Variants in JMJD1C observed in about 807,000 individuals in gnomAD.
JMJD1C encodes jumonji domain containing 1C.
A neutral mutation model predicts 245.3 loss-of-function variants in JMJD1C; 31 were observed. The ratio of observed to expected loss-of-function variants is 0.13; its 90% CI spans 0.09 to 0.17. The LOEUF is 0.17. JMJD1C is among the 10% of genes least tolerant of loss of function. JMJD1C has a pLI of 1.00. For synonymous variants in JMJD1C, 1,057 were observed against 1,017.4 expected (o/e 1.04, Z -0.74); for missense variants, 2,691 against 3,000.2 (o/e 0.90, Z 2.41).
intron 2 of JMJD1C, among the ~76,000 whole-genome samples, chr10:63,280,601 T>C (rs894334875): frequency 3.0e-4 from 45 of 152,228 alleles, no homozygotes; most frequent in African/African-American, 1.0e-3. Context: ...CTATAAGGAA[T>C]ATATTTCTGC....
chr10:63,301,686 T>C, intron 2 of JMJD1C: 1 of 433,848 alleles, frequency 2.3e-6, no homozygotes, highest in Non-Finnish European at 4.6e-6. Flanking sequence ...GAGAGAGCAT[T>C]AGGACAAATA....
chr10:63,498,949 ATTC>A (rs1428058678), intron 1 of JMJD1C, among the ~76,000 whole-genome samples: 7 of 152,274 alleles, frequency 4.6e-5, no homozygotes, highest in Middle Eastern at 6.8e-3. Context: ...ATTATTGTAG[ATTC>A]TTCTTATCAC....
At chr10:63,432,990 T>C (rs1170042286) in intron 1 of JMJD1C, among the ~76,000 whole-genome samples, 1 of 152,210 alleles carries the variant, frequency 6.6e-6, no homozygotes, top group Non-Finnish European at 1.5e-5. Context: ...CCTGAGTTCT[T>C]CTCTTCACTG....
At chr10:63,281,463 T>C (rs1320218393) in intron 2 of JMJD1C, among the ~76,000 whole-genome samples, 2 of 97,600 alleles carry the variant, frequency 2.0e-5, no homozygotes, top group Non-Finnish European at 4.2e-5. Flanking sequence ...CTGGCCTTTT[T>C]TTTTTTTTTT....
At chr10:63,232,736 T>A (rs1052031035) in intron 3 of JMJD1C, among the ~76,000 whole-genome samples, 15 of 152,126 alleles carry the variant, frequency 9.9e-5, no homozygotes, top group African/African-American at 3.4e-4. Context: ...GGTAAAAGGG[T>A]TCTGAATTTT....
chr10:63,505,937 C>A (rs1954705587), intron 1 of JMJD1C, among the ~76,000 whole-genome samples: 3 of 120,898 alleles, frequency 2.5e-5, no homozygotes, highest in African/African-American at 8.1e-5. Context: ...TACAATTTCT[C>A]CCCCTGCCAA....
intron 1 of JMJD1C, chr10:63,521,464 G>A: frequency 1.1e-6 from 1 of 944,090 alleles, no homozygotes; most frequent in Non-Finnish European, 1.4e-6. Context: ...AGCCGGCGAA[G>A]CGCGCGGCCT....
At chr10:63,380,191 G>T in intron 2 of JMJD1C, 127 bp downstream of exon 2, 1 of 913,308 alleles carries the variant, frequency 1.1e-6, no homozygotes, top group Non-Finnish European at 1.8e-6. Flanking sequence ...CAATTGTCCT[G>T]CTTCAGCCTC....
At chr10:63,461,141 C>T (rs1952768139) in intron 1 of JMJD1C, among the ~76,000 whole-genome samples, 1 of 152,090 alleles carries the variant, frequency 6.6e-6, no homozygotes, top group African/African-American at 2.4e-5. Flanking sequence ...GGGGCAATTT[C>T]GTCATTTTCC....
chr10:63,311,941 T>C (rs1939262913), intron 2 of JMJD1C, among the ~76,000 whole-genome samples: 1 of 152,194 alleles, frequency 6.6e-6, no homozygotes, highest in African/African-American at 2.4e-5. Flanking sequence ...TTTCACTTAA[T>C]TGTTTCTTCT....
rs753428768 is a variant in JMJD1C, at chr10:63,208,511, G to A, written c.3158C>T (p.Ala1053Val). ...GCTTTTAGGACTGGAAGATGATGATGCCACTCTGGAATAATTCTCTCTCTC... is the reference window on the plus strand; with the variant it reads ...GCTTTTAGGACTGGAAGATGATGATACCACTCTGGAATAATTCTCTCTCTC... ...EGERENYSRVASSSSSPKSHI... is the reference protein window; with the variant it reads ...EGERENYSRVVSSSSSPKSHI... Residue 1053 changes from alanine (A) to valine (V), a missense_variant, in exon 10 of 26, where the codon GCA (alanine) becomes GTA (valine). Coordinates refer to ENST00000399262, the MANE Select transcript of JMJD1C (RefSeq NM_032776.3). 9 of 1,613,912 alleles carry A rather than the reference G, an allele frequency of 5.6e-6. No homozygotes were observed. Among genetic ancestry groups the A allele is most frequent in the Non-Finnish European group, 6.8e-6 (8 of 1,179,960 alleles).
At chr10:63,251,279 G>A (rs191625074) in intron 3 of JMJD1C, among the ~76,000 whole-genome samples, 6 of 152,178 alleles carry the variant, frequency 3.9e-5, no homozygotes, top group African/African-American at 1.4e-4. Flanking sequence ...TGGACTCTCA[G>A]GCAAAGAACA....
At chr10:63,187,145 T>C (rs1477569351) in intron 18 of JMJD1C, among the ~76,000 whole-genome samples, 2 of 151,846 alleles carry the variant, frequency 1.3e-5, no homozygotes, top group Non-Finnish European at 2.9e-5. Context: ...ACAAAAGACA[T>C]CTTTAAAAAG....
At chr10:63,239,252 A>G (rs7082090) in intron 3 of JMJD1C, among the ~76,000 whole-genome samples, 130,792 of 152,216 alleles carry the variant, frequency 0.86, 56,902 homozygotes, top group African/African-American at 0.96. Context: ...GGATTGAATT[A>G]AGGACAGCAG....
At chr10:63,276,273 T>C (rs1190798075) in intron 2 of JMJD1C, among the ~76,000 whole-genome samples, 2 of 151,998 alleles carry the variant, frequency 1.3e-5, no homozygotes, top group Non-Finnish European at 2.9e-5. Flanking sequence ...GAGACCATCC[T>C]GGCTAAAACG....
intron 1 of JMJD1C, among the ~76,000 whole-genome samples, chr10:63,512,145 T>C (rs1832676741): frequency 6.6e-6 from 1 of 152,224 alleles, no homozygotes; most frequent in East Asian, 1.9e-4. Context: ...CACACACATA[T>C]ACAAACCCAC....
In JMJD1C at chr10:63,214,779, T is replaced by C; in HGVS notation, c.1388A>G (p.His463Arg). ...DTQLQEDMII[H>R]SSEQSTVSDH... ...AGAAACTGTGGACTGTTCTGACGAA[T>C]GAATAATCATATCTTCTTGAAGCTG... is the stretch of plus-strand genomic sequence containing the variant. Residue 463 changes from histidine to arginine, a missense_variant, in exon 8 of 26, where the codon CAT (histidine) becomes CGT (arginine). Transcript: ENST00000399262. 1 of 1,613,732 alleles carries C rather than the reference T, an allele frequency of 6.2e-7. No individual in the cohort carries two copies. The highest frequency in any genetic ancestry group is 1.1e-5 in the South Asian group (1 of 91,074).
chr10:63,257,399 C>T (rs1366968176), intron 3 of JMJD1C, among the ~76,000 whole-genome samples: 15 of 152,082 alleles, frequency 9.9e-5, no homozygotes, highest in Non-Finnish European at 5.9e-5. Context: ...TAGTTGAATG[C>T]CTCTTATCCT....
intron 1 of JMJD1C, among the ~76,000 whole-genome samples, chr10:63,420,325 A>C (rs1344816059): frequency 2.0e-5 from 3 of 152,164 alleles, no homozygotes; most frequent in Non-Finnish European, 1.5e-5. Context: ...AAAGTACCAC[A>C]TATGAAAATT....
Sources: gnomAD v4.1 joint callset for allele counts (sites outside exome capture counted in the v4.1 genomes callset) on GRCh38, gnomAD v4.1.1 for gene constraint, MANE v1.5 for transcripts, NCBI Gene and HGNC (gene_info 2026-07-23, HGNC 2026-07-21) for gene names.